Variants in FLVCR2 observed in about 807,000 individuals in gnomAD.
The protein encoded by FLVCR2 is choline/ethanolamine transporter FLVCR2.
In FLVCR2, 38 loss-of-function variants were observed where a neutral mutation model predicts 48.9. The observed-to-expected ratio is 0.78, with a 90% confidence interval of 0.60 to 1.02. The LOEUF (loss-of-function observed/expected upper bound fraction) is 1.02, where lower values mean the gene tolerates loss of function less well. Among genes scored for constraint, FLVCR2 ranks in the 50% least tolerant of loss-of-function variants. The pLI, the probability that FLVCR2 is intolerant of heterozygous loss-of-function variation, is 0.00. For synonymous variants in FLVCR2, 255 were observed against 257.0 expected (o/e 0.99, Z 0.07); for missense variants, 664 against 663.3 (o/e 1.00, Z -0.01).
At chr14:75,622,868 C>A (rs371400706) in intron 2 of FLVCR2, among the ~76,000 whole-genome samples, 166 of 152,078 alleles carry the variant, frequency 1.1e-3, no homozygotes, top group Non-Finnish European at 1.8e-3. Context: ...ATAGAAAAAT[C>A]TAGAAAATAC....
chr14:75,610,676 C>G (rs1247963943), intron 1 of FLVCR2, among the ~76,000 whole-genome samples: 1 of 152,160 alleles, frequency 6.6e-6, no homozygotes, highest in East Asian at 1.9e-4. Context: ...TCTTTCTCTT[C>G]CCTTCTGAGT....
chr14:75,617,887 C>T (rs1889656063), intron 1 of FLVCR2, among the ~76,000 whole-genome samples: 1 of 152,188 alleles, frequency 6.6e-6, no homozygotes, highest in Admixed American at 6.5e-5. Flanking sequence ...AGGATTTGCA[C>T]TCAGACCTGA....
intron 1 of FLVCR2, among the ~76,000 whole-genome samples, chr14:75,583,682 A>G (rs1461103691): frequency 6.6e-6 from 1 of 151,952 alleles, no homozygotes; most frequent in Non-Finnish European, 1.5e-5. Context: ...GGGATAACTA[A>G]AAAGGAGTGC....
At chr14:75,632,574 A>G (rs1394286781) in intron 3 of FLVCR2, 2 of 700,832 alleles carry the variant, frequency 2.9e-6, no homozygotes, top group East Asian at 5.4e-5. Context: ...TCTGAAAGAC[A>G]GTAGCTTCCG....
intron 1 of FLVCR2, among the ~76,000 whole-genome samples, chr14:75,596,873 A>C (rs979802792): frequency 9.7e-5 from 14 of 144,212 alleles, no homozygotes; most frequent in African/African-American, 3.1e-4. Context: ...TAAAAGTGGA[A>C]TCATACTTGT....
chr14:75,623,915 G>C (rs1889824958), intron 2 of FLVCR2, among the ~76,000 whole-genome samples: 1 of 152,182 alleles, frequency 6.6e-6, no homozygotes, highest in African/African-American at 2.4e-5. Flanking sequence ...GCCAGGCATT[G>C]GTGGTGTATG....
At position 75,642,975 on chromosome 14, in the gene FLVCR2, C is replaced by T. The variant is rs564979074; in HGVS notation, c.1509+1077C>T. Among the ~76,000 whole-genome samples, 7 of 152,270 alleles carry T rather than the reference C, an allele frequency of 4.6e-5. No individual in the cohort carries two copies. The East Asian group carries it at 1.2e-3, about 25-fold the overall frequency. ...CTCCCGGGTTCGAGTGATTCTCATG[C>T]CGCAGTCTCCCAAGTAGCTGGGATT... On this transcript the variant is annotated intron_variant, in intron 9 of 9. Transcript: ENST00000238667.
rs1200897775 is a variant in FLVCR2, at chr14:75,622,107, C to G, written c.698C>G (p.Pro233Arg). 1.2e-6 allele frequency: 2 copies of G among 1,614,044 alleles called. No individual in the cohort carries two copies. The highest frequency in any genetic ancestry group is 2.7e-5 in the African/African-American group (2 of 74,908). The change falls in exon 2 of 10, where the codon CCT becomes CGT. Residue 233 changes from proline (P) to arginine (R), a missense_variant. Physicochemically the swap from Pro to Arg is moderately radical, Grantham distance 103. Transcript: ENST00000238667. Reference sequence around the variant, plus strand: ...GGAATTGCGATTGGGTTCTTGGTCCCTCCTGTTTTGGTACCCAACATTGAA... The same window carrying G: ...GGAATTGCGATTGGGTTCTTGGTCCGTCCTGTTTTGGTACCCAACATTGAA... ...QLGIAIGFLV[P>R]PVLVPNIEDR...
At chr14:75,602,079 T>C (rs1251421833) in intron 1 of FLVCR2, among the ~76,000 whole-genome samples, 1 of 152,240 alleles carries the variant, frequency 6.6e-6, no homozygotes, top group Non-Finnish European at 1.5e-5. Context: ...ATGGAAGAGA[T>C]GCATAGGGCA....
chr14:75,641,155 T>C (rs1890300148), intron 7 of FLVCR2, 27 bp from the exon 8 acceptor site: 4 of 1,579,522 alleles, frequency 2.5e-6, no homozygotes, highest in African/African-American at 1.3e-5. Context: ...TGGGCCCTTG[T>C]TTCCTATCTT....
intron 1 of FLVCR2, among the ~76,000 whole-genome samples, chr14:75,582,409 G>C (rs910095420): frequency 6.6e-6 from 1 of 152,294 alleles, no homozygotes; most frequent in Admixed American, 6.5e-5. Context: ...GGTAGTGGAG[G>C]GGGGCAGAAA....
At chr14:75,639,279 T>C in intron 5 of FLVCR2, 73 bp from the exon 6 acceptor site, 2 of 939,842 alleles carry the variant, frequency 2.1e-6, no homozygotes, top group Non-Finnish European at 1.7e-6. Flanking sequence ...AATAGATGCT[T>C]GTGGAATAAA....
At chr14:75,596,258 T>C in intron 1 of FLVCR2, 1 of 567,712 alleles carries the variant, frequency 1.8e-6, no homozygotes, top group South Asian at 1.9e-5. Flanking sequence ...ACTGTCTGCT[T>C]TCTAGCCTCC....
chr14:75,603,507 T>C (rs1343606377), intron 1 of FLVCR2, among the ~76,000 whole-genome samples: 1 of 152,220 alleles, frequency 6.6e-6, no homozygotes, highest in African/African-American at 2.4e-5. Context: ...CTATCGGCAA[T>C]AAAATCCTCT....
chr14:75,610,647 G>C (rs766221870), intron 1 of FLVCR2, among the ~76,000 whole-genome samples: 1 of 152,240 alleles, frequency 6.6e-6, no homozygotes, highest in Non-Finnish European at 1.5e-5. Context: ...CCGGGTGAGA[G>C]TGAGCTCCTT....
intron 2 of FLVCR2, among the ~76,000 whole-genome samples, chr14:75,623,641 A>T (rs1889816874): frequency 6.6e-6 from 1 of 151,480 alleles, no homozygotes; most frequent in Admixed American, 6.6e-5. Flanking sequence ...ATGTGTTGCT[A>T]GTGTGTTTTT....
intron 1 of FLVCR2, chr14:75,596,008 C>T: frequency 6.8e-7 from 1 of 1,479,872 alleles, no homozygotes; most frequent in Middle Eastern, 2.4e-4. Context: ...GTTGTCTTGC[C>T]ACCACCAAAA....
At chr14:75,633,057 G>A in intron 3 of FLVCR2, 2 of 678,278 alleles carry the variant, frequency 2.9e-6, no homozygotes, top group Non-Finnish European at 2.7e-6. Flanking sequence ...CTCCTTTGGT[G>A]AATGAATTGG....
At chr14:75,600,984 A>G (rs1482353565) in intron 1 of FLVCR2, among the ~76,000 whole-genome samples, 1 of 152,206 alleles carries the variant, frequency 6.6e-6, no homozygotes, top group Admixed American at 6.5e-5. Flanking sequence ...TAGCCGCGCT[A>G]GAGGAATTAA....
Sources: allele counts gnomAD v4.1 joint callset (sites outside exome capture counted in the v4.1 genomes callset), GRCh38; gene constraint gnomAD v4.1.1; transcripts MANE v1.5; gene names NCBI Gene and HGNC (gene_info 2026-07-23, HGNC 2026-07-21).